The following RIMS1 variants were observed in gnomAD, a reference collection of about 807,000 sequenced individuals.
RIMS1 encodes regulating synaptic membrane exocytosis protein 1.
In RIMS1, 83 loss-of-function variants were observed where a neutral mutation model predicts 214.1. The observed-to-expected ratio is 0.39, with a 90% CI of 0.32 to 0.47. The LOEUF is 0.47. Ranked by LOEUF, RIMS1 falls within the 20% of genes least tolerant of loss-of-function variation. The pLI, the probability that RIMS1 is intolerant of heterozygous loss-of-function variation, is 0.99. For missense variants in RIMS1, 2,050 were observed against 2,161.8 expected, an observed-to-expected ratio of 0.95 and a Z score of 1.03; for synonymous variants, 793 against 786.8, an observed-to-expected ratio of 1.01 and a Z score of -0.13.
At chr6:71,924,111 C>T (rs1780853469) in intron 1 of RIMS1, among the ~76,000 whole-genome samples, 1 of 152,178 alleles carries the variant, frequency 6.6e-6, no homozygotes, top group South Asian at 2.1e-4. Context: ...ATGTTTCACA[C>T]TTGAAGTAGT....
chr6:72,067,767 A>G (rs1448993503), intron 2 of RIMS1, among the ~76,000 whole-genome samples: 1 of 152,246 alleles, frequency 6.6e-6, no homozygotes, highest in Admixed American at 6.5e-5. Flanking sequence ...CACTTAACAT[A>G]TATTGCCTGG....
chr6:72,237,950 CAG>C (rs1415360814), intron 9 of RIMS1, 28 bp downstream of exon 9: 1 of 1,493,432 alleles, frequency 6.7e-7, no homozygotes, highest in African/African-American at 1.4e-5. Flanking sequence ...AATATTTAAA[CAG>C]TGTGTTCTCC....
intron 28 of RIMS1, chr6:72,317,066 A>G (rs541176951): frequency 5.6e-6 from 2 of 354,360 alleles, no homozygotes; most frequent in Non-Finnish European, 5.5e-6. Flanking sequence ...CTCTCAGAGG[A>G]GGGCAGGGGT....
At chr6:72,372,908 GAAAC>G (rs759734687) in intron 29 of RIMS1, among the ~76,000 whole-genome samples, 9 of 152,160 alleles carry the variant, frequency 5.9e-5, no homozygotes, top group Non-Finnish European at 8.8e-5. Context: ...TGTGATTTCT[GAAAC>G]AAACAATCCT....
At chr6:72,062,545 T>C (rs1828130992) in intron 2 of RIMS1, among the ~76,000 whole-genome samples, 1 of 152,174 alleles carries the variant, frequency 6.6e-6, no homozygotes, top group South Asian at 2.1e-4. Context: ...TCTGAGATAA[T>C]AGTTCGAGTT....
At chr6:72,065,129 A>G (rs935815827) in intron 2 of RIMS1, among the ~76,000 whole-genome samples, 1 of 152,176 alleles carries the variant, frequency 6.6e-6, no homozygotes, top group Non-Finnish European at 1.5e-5. Context: ...AGGTGCAGGG[A>G]AGTCTTCCAT....
At chr6:71,983,394 T>G (rs1224531626) in intron 2 of RIMS1, among the ~76,000 whole-genome samples, 1 of 152,150 alleles carries the variant, frequency 6.6e-6, no homozygotes, top group East Asian at 1.9e-4. Context: ...GTTTAGAGAT[T>G]AAGTTATACA....
intron 1 of RIMS1, among the ~76,000 whole-genome samples, chr6:71,891,879 C>T (rs1769992796): frequency 1.3e-5 from 2 of 152,146 alleles, no homozygotes; most frequent in Non-Finnish European, 2.9e-5. Context: ...CAGTGAGCTT[C>T]CTGGAAAGAT....
At chr6:72,091,420 C>T (rs969019938) in intron 2 of RIMS1, among the ~76,000 whole-genome samples, 2 of 152,132 alleles carry the variant, frequency 1.3e-5, no homozygotes, top group African/African-American at 4.8e-5. Flanking sequence ...TCTCTACATT[C>T]CACTATTATG....
intron 2 of RIMS1, among the ~76,000 whole-genome samples, chr6:72,045,315 TTTTA>T (rs1822672794): frequency 1.3e-5 from 2 of 151,958 alleles, no homozygotes; most frequent in Admixed American, 1.3e-4. Context: ...TTATATTTTA[TTTTA>T]TTCACCTGAC....
At chr6:72,381,213 T>G (rs1299219820) in intron 29 of RIMS1, among the ~76,000 whole-genome samples, 1 of 152,178 alleles carries the variant, frequency 6.6e-6, no homozygotes, top group African/African-American at 2.4e-5. Context: ...CGGTGGCCCC[T>G]GGTGTCTCTG....
intron 23 of RIMS1, among the ~76,000 whole-genome samples, chr6:72,281,367 C>T (rs866091769): frequency 1.2e-4 from 19 of 152,130 alleles, no homozygotes; most frequent in Middle Eastern, 6.8e-3. Context: ...TTACAACAAT[C>T]ATTGATTACT....
At chr6:71,978,129 A>G (rs1005554575) in intron 2 of RIMS1, among the ~76,000 whole-genome samples, 3 of 152,138 alleles carry the variant, frequency 2.0e-5, no homozygotes, top group African/African-American at 4.8e-5. Context: ...CACTAAGGGG[A>G]GGAGGCTCTA....
chr6:72,396,679 T>C (rs2098782025), intron 31 of RIMS1, among the ~76,000 whole-genome samples: 1 of 152,166 alleles, frequency 6.6e-6, no homozygotes, highest in African/African-American at 2.4e-5. Context: ...AAGAAAATAT[T>C]ACTAAGTGAA....
At chr6:72,007,668 G>A (rs974501565) in intron 2 of RIMS1, among the ~76,000 whole-genome samples, 3 of 152,200 alleles carry the variant, frequency 2.0e-5, no homozygotes, top group African/African-American at 4.8e-5. Context: ...TGAGAACTAC[G>A]TGACGAATGC....
chr6:72,298,284 A>G (rs938095225), intron 26 of RIMS1, among the ~76,000 whole-genome samples: 8 of 152,030 alleles, frequency 5.3e-5, no homozygotes, highest in Non-Finnish European at 1.0e-4. Flanking sequence ...TGACTCTACT[A>G]AAAGTGTTAC....
In RIMS1 at chr6:72,400,639, A is replaced by C; in HGVS notation, c.5004A>C (p.Thr1668=). Residue 1668 remains threonine, a synonymous_variant, in exon 34 of 34, where the codon ACA becomes ACC. Coordinates refer to ENST00000521978, the MANE Select transcript of RIMS1 (RefSeq NM_014989.7). The stretch of plus-strand genomic sequence containing the variant: ...CACCGTCCTCACTGGTGGATCCCAC[A>C]CTCACTCCCCTCACCCGGCGGGCTT... ...LFPPSSLVDP[T]LTPLTRRASQ... 1 of 1,613,690 alleles carries C rather than the reference A, an allele frequency of 6.2e-7. No homozygotes were observed. The highest frequency in any genetic ancestry group is 8.5e-7 in the Non-Finnish European group (1 of 1,179,792).
intron 30 of RIMS1, chr6:72,390,949 C>A: frequency 2.3e-6 from 1 of 441,734 alleles, no homozygotes. Flanking sequence ...TGAAGAAATT[C>A]TGAGTCCACA....
At chr6:72,276,637 C>T (rs142693635) in intron 23 of RIMS1, among the ~76,000 whole-genome samples, 1 of 151,748 alleles carries the variant, frequency 6.6e-6, no homozygotes, top group African/African-American at 2.4e-5. Flanking sequence ...TATGTTCGAC[C>T]AAAATAAATA....
Sources: allele counts gnomAD v4.1 joint callset (sites outside exome capture counted in the v4.1 genomes callset), GRCh38; gene constraint gnomAD v4.1.1; transcripts MANE v1.5; gene names NCBI Gene and HGNC (gene_info 2026-07-23, HGNC 2026-07-21).